RAB10: variants seen among roughly 807,000 people sequenced by gnomAD.
RAB10 encodes the protein RAB10, member RAS oncogene family.
Under a neutral mutation model 25.7 loss-of-function variants are expected in RAB10, and 5 were observed. The ratio of observed to expected loss-of-function variants is 0.19; its 90% CI spans 0.10 to 0.41. The LOEUF is 0.41. Among genes scored for constraint, RAB10 ranks in the 10% least tolerant of loss-of-function variants. The probability of loss-of-function intolerance (pLI) is 1.00; values close to 1 mark genes in which losing one functional copy is unlikely to be tolerated. For missense variants in RAB10, 103 were observed against 245.8 expected, an observed-to-expected ratio of 0.42 and a Z score of 3.89; for synonymous variants, 89 against 86.4, an observed-to-expected ratio of 1.03 and a Z score of -0.16.
intron 3 of RAB10, among the ~76,000 whole-genome samples, chr2:26,126,163 C>CT (rs1442908606): frequency 6.6e-6 from 1 of 152,182 alleles, no homozygotes; most frequent in African/African-American, 2.4e-5. Context: ...GGTCATTTGA[C>CT]TAAGTATGTG....
intron 1 of RAB10, among the ~76,000 whole-genome samples, chr2:26,094,557 T>C (rs1356598103): frequency 6.7e-6 from 1 of 150,220 alleles, no homozygotes; most frequent in Non-Finnish European, 1.5e-5. Context: ...TGGCCGTATT[T>C]ATTTATTATG....
intron 1 of RAB10, 36 bp from the exon 2 acceptor site, chr2:26,098,626 C>T: frequency 6.8e-7 from 1 of 1,462,824 alleles, no homozygotes; most frequent in Admixed American, 1.8e-5. Flanking sequence ...AAATGTAAAG[C>T]CACAGTTACA....
chr2:26,091,982 G>C (rs980579235), intron 1 of RAB10, among the ~76,000 whole-genome samples: 1 of 152,060 alleles, frequency 6.6e-6, no homozygotes, highest in Non-Finnish European at 1.5e-5. Flanking sequence ...GACCAGCCTG[G>C]CCAACATGGT....
chr2:26,133,089 A>G (rs1333878658), intron 5 of RAB10, among the ~76,000 whole-genome samples: 5 of 152,224 alleles, frequency 3.3e-5, no homozygotes. Context: ...GGGAGTAAGT[A>G]GGAGAGCTCT....
At chr2:26,054,035 G>T (rs977766939) in intron 1 of RAB10, among the ~76,000 whole-genome samples, 136 of 101,972 alleles carry the variant, frequency 1.3e-3, no homozygotes, top group East Asian at 2.6e-3. Context: ...TTTCCCTTCT[G>T]TTCTTTTTTT....
At chr2:26,075,337 C>T (rs1204522068) in intron 1 of RAB10, among the ~76,000 whole-genome samples, 1 of 152,044 alleles carries the variant, frequency 6.6e-6, no homozygotes, top group Non-Finnish European at 1.5e-5. Context: ...GAGAACAGTC[C>T]TTATCTCTTC....
intron 3 of RAB10, among the ~76,000 whole-genome samples, chr2:26,116,487 C>T (rs1408697928): frequency 6.6e-6 from 1 of 150,772 alleles, no homozygotes; most frequent in East Asian, 1.9e-4. Flanking sequence ...GAAGTAGGGT[C>T]CTGGAACCAA....
chr2:26,127,054 C>T (rs556465104), intron 3 of RAB10, 90 bp from the exon 4 acceptor site: 2 of 934,938 alleles, frequency 2.1e-6, no homozygotes, highest in South Asian at 3.4e-5. Context: ...TAGAAATGAC[C>T]CTCTAAATTG....
intron 1 of RAB10, among the ~76,000 whole-genome samples, chr2:26,092,255 T>C (rs113425117): frequency 3.5e-5 from 5 of 143,658 alleles, no homozygotes; most frequent in African/African-American, 1.3e-4. Flanking sequence ...TTGATCATAG[T>C]GAGAGCTGTG....
At chr2:26,079,951 C>G (rs1033273179) in intron 1 of RAB10, among the ~76,000 whole-genome samples, 1 of 152,208 alleles carries the variant, frequency 6.6e-6, no homozygotes, top group South Asian at 2.1e-4. Context: ...TGAGCCACTG[C>G]TCCCGGCTTA....
chr2:26,124,389 C>CTTTTTTTTTT (rs10669615), intron 3 of RAB10, among the ~76,000 whole-genome samples: 431 of 19,680 alleles, frequency 0.022, 176 homozygotes, highest in East Asian at 0.058. Flanking sequence ...GTTGTTGTTG[C>CTTTTTTTTTT]TTTTTTTTTT....
chr2:26,037,292 A>C (rs1559574783), intron 1 of RAB10, among the ~76,000 whole-genome samples: 1 of 152,118 alleles, frequency 6.6e-6, no homozygotes, highest in African/African-American at 2.4e-5. Context: ...TCCACAGGTT[A>C]CTAGCTGTGC....
intron 3 of RAB10, among the ~76,000 whole-genome samples, chr2:26,113,824 T>C (rs1179265096): frequency 6.7e-6 from 1 of 150,144 alleles, no homozygotes; most frequent in Non-Finnish European, 1.5e-5. Context: ...ATATTTTATA[T>C]AGAAAATCCT....
rs1668131231 is a variant in RAB10, at chr2:26,137,286, T to A, written c.*2265T>A. 1 of 152,676 alleles carries A rather than the reference T, an allele frequency of 6.5e-6. No homozygotes were observed. The highest frequency in any genetic ancestry group is 2.1e-4 in the South Asian group (1 of 4,830). The allele number at this position is 152,676 out of a possible 1,614,324, so 9.5% of individuals were successfully genotyped here. A position where few individuals can be genotyped will look rare whatever the true frequency, so the allele number is the denominator to read the frequency against. On this transcript the variant is annotated 3_prime_UTR_variant, in exon 6 of 6. Coordinates refer to ENST00000264710, the MANE Select transcript of RAB10 (RefSeq NM_016131.5). ...TAGGGCTTTGCCCCTTTTCTGTAAG[T>A]CTCTTGGGATCCTGTGTAGAAGCTG...
At chr2:26,118,287 G>C (rs968076925) in intron 3 of RAB10, among the ~76,000 whole-genome samples, 6 of 151,346 alleles carry the variant, frequency 4.0e-5, no homozygotes, top group Admixed American at 3.3e-4. Flanking sequence ...TGTTCTTTTA[G>C]CTCCAATTTT....
chr2:26,075,464 C>G (rs1574539430), intron 1 of RAB10, among the ~76,000 whole-genome samples: 1 of 147,542 alleles, frequency 6.8e-6, no homozygotes, highest in East Asian at 2.0e-4. Flanking sequence ...TGGATAAGCA[C>G]AGGTTTAACT....
At chr2:26,118,439 G>A (rs1156887156) in intron 3 of RAB10, among the ~76,000 whole-genome samples, 1 of 151,242 alleles carries the variant, frequency 6.6e-6, no homozygotes, top group Non-Finnish European at 1.5e-5. Context: ...AACAAAGGCC[G>A]GGGGTGGGGT....
chr2:26,041,852 C>T (rs564102677), intron 1 of RAB10, among the ~76,000 whole-genome samples: 2 of 151,918 alleles, frequency 1.3e-5, no homozygotes, highest in East Asian at 1.9e-4. Context: ...TGCGGTGAGC[C>T]GAGATCGTGC....
intron 1 of RAB10, among the ~76,000 whole-genome samples, chr2:26,060,200 A>T (rs1469449524): frequency 6.6e-6 from 1 of 151,958 alleles, no homozygotes; most frequent in African/African-American, 2.4e-5. Flanking sequence ...ATTATTGAAC[A>T]ACTGCTGTGT....
Sources: allele counts gnomAD v4.1 joint callset (sites outside exome capture counted in the v4.1 genomes callset), GRCh38; gene constraint gnomAD v4.1.1; transcripts MANE v1.5; gene names NCBI Gene and HGNC (gene_info 2026-07-23, HGNC 2026-07-21).